Variants in SPOCK1 observed in about 807,000 individuals in gnomAD.
SPOCK1 encodes the protein SPARC (osteonectin), cwcv and kazal like domains proteoglycan 1.
In SPOCK1, 23 loss-of-function variants were observed where a neutral mutation model predicts 55.3. That is an observed-to-expected ratio of 0.42 (90% CI 0.30 to 0.59). The LOEUF is 0.59. Ranked by LOEUF, SPOCK1 falls within the 20% of genes least tolerant of loss-of-function variation. The pLI is 0.22. For missense variants in SPOCK1, 499 were observed against 552.5 expected (o/e 0.90, Z 0.97); for synonymous variants, 226 against 221.0 (o/e 1.02, Z -0.20).
intron 2 of SPOCK1, among the ~76,000 whole-genome samples, chr5:137,319,971 A>C (rs543041707): frequency 0.012 from 1,867 of 151,130 alleles, 43 homozygotes; most frequent in African/African-American, 0.043. Flanking sequence ...AAAAAAAAAA[A>C]AACAACACAT....
At position 137,054,152 on chromosome 5, in the gene SPOCK1, C is replaced by T. The variant is rs995296021; in HGVS notation, c.589+13563G>A. Among the ~76,000 whole-genome samples the T allele has an allele frequency of 2.0e-5, 3 of 152,162 alleles. No individual in the cohort carries two copies. In the East Asian group the frequency reaches 5.8e-4, roughly 30 times the overall value. ...TAGAACCAGCCACTTTCATAATTAT[C>T]TCAATTAATTTGTTTCATTCTAATA... is the stretch of plus-strand genomic sequence containing the variant. On this transcript the variant is annotated intron_variant, in intron 6 of 10. Transcript: ENST00000394945.
chr5:137,435,540 T>C (rs1752845071), intron 2 of SPOCK1, among the ~76,000 whole-genome samples: 1 of 152,248 alleles, frequency 6.6e-6, no homozygotes, highest in African/African-American at 2.4e-5. Flanking sequence ...CATATTAAAC[T>C]CATTTCCTTA....
chr5:137,397,133 C>G (rs1751867815), intron 2 of SPOCK1, among the ~76,000 whole-genome samples: 2 of 152,150 alleles, frequency 1.3e-5, no homozygotes, highest in Admixed American at 1.3e-4. Context: ...TCCATGATCC[C>G]ACCATGATGT....
At chr5:137,354,604 A>G (rs1281142049) in intron 2 of SPOCK1, among the ~76,000 whole-genome samples, 1 of 152,126 alleles carries the variant, frequency 6.6e-6, no homozygotes, top group Non-Finnish European at 1.5e-5. Flanking sequence ...GCTTTCTATC[A>G]ATATTTGCAG....
chr5:137,245,634 C>A (rs1388869354), intron 3 of SPOCK1, among the ~76,000 whole-genome samples: 1 of 152,076 alleles, frequency 6.6e-6, no homozygotes, highest in Non-Finnish European at 1.5e-5. Flanking sequence ...CAAAGGTGCA[C>A]AGAGCATTCT....
chr5:137,253,681 C>G (rs1409565690), intron 3 of SPOCK1, among the ~76,000 whole-genome samples: 3 of 152,200 alleles, frequency 2.0e-5, no homozygotes, highest in Admixed American at 1.3e-4. Flanking sequence ...TGGCAGCCTA[C>G]CCCATCCTCA....
chr5:137,012,116 T>A (rs996324193), intron 6 of SPOCK1, among the ~76,000 whole-genome samples: 1 of 152,202 alleles, frequency 6.6e-6, no homozygotes. Flanking sequence ...CACCCAAATG[T>A]GATCTCATTG....
chr5:137,022,006 C>T (rs538469976), intron 6 of SPOCK1, among the ~76,000 whole-genome samples: 11 of 152,236 alleles, frequency 7.2e-5, no homozygotes, highest in East Asian at 3.9e-4. Context: ...CTTTATAATG[C>T]GACCTTGGCA....
chr5:137,161,337 G>A (rs1465480008), intron 3 of SPOCK1, among the ~76,000 whole-genome samples: 1 of 151,812 alleles, frequency 6.6e-6, no homozygotes, highest in East Asian at 1.9e-4. Context: ...GAACATGTCA[G>A]TTGAAATGCA....
intron 2 of SPOCK1, among the ~76,000 whole-genome samples, chr5:137,357,167 C>G (rs945988409): frequency 6.6e-5 from 10 of 152,082 alleles, no homozygotes; most frequent in Admixed American, 4.6e-4. Flanking sequence ...CAGAATCCAA[C>G]AAGAGGACCA....
In SPOCK1 at chr5:137,028,904, C is replaced by T. The variant is rs78953617; in HGVS notation, c.590-36304G>A. Among the ~76,000 whole-genome samples the T allele has an allele frequency of 4.6e-5, 7 of 152,240 alleles. No individual in the cohort carries two copies. In the East Asian group the frequency reaches 1.2e-3, roughly 25 times the overall value. ...AGCACTGGAAGCACCCTTTGAAGAC[C>T]TCTCCCAAGGGGCTGGGACCTCAGT... On this transcript the variant is annotated intron_variant, in intron 6 of 10. Coordinates refer to ENST00000394945, the MANE Select transcript of SPOCK1 (RefSeq NM_004598.4).
chr5:137,379,762 A>G (rs1296162718), intron 2 of SPOCK1, among the ~76,000 whole-genome samples: 1 of 152,220 alleles, frequency 6.6e-6, no homozygotes, highest in East Asian at 1.9e-4. Flanking sequence ...GTGCCACCAC[A>G]CCAGTCACCA....
intron 4 of SPOCK1, among the ~76,000 whole-genome samples, chr5:137,120,371 G>A (rs760164982): frequency 3.9e-5 from 6 of 152,212 alleles, no homozygotes; most frequent in Admixed American, 6.5e-5. Context: ...AAGGATATGT[G>A]TCTGGTATGC....
chr5:137,269,880 C>T (rs1756927730), intron 2 of SPOCK1, among the ~76,000 whole-genome samples: 1 of 152,092 alleles, frequency 6.6e-6, no homozygotes, highest in South Asian at 2.1e-4. Context: ...GGCATTTCAC[C>T]AGGGCCTAAG....
chr5:137,156,836 A>G (rs544369993), intron 3 of SPOCK1, among the ~76,000 whole-genome samples: 1 of 152,262 alleles, frequency 6.6e-6, no homozygotes, highest in Admixed American at 6.5e-5. Context: ...TTCATACATA[A>G]GTGGATCCAG....
At chr5:137,459,544 C>T (rs560491875) in intron 2 of SPOCK1, among the ~76,000 whole-genome samples, 39 of 151,404 alleles carry the variant, frequency 2.6e-4, no homozygotes, top group African/African-American at 8.3e-4. Flanking sequence ...AAGAGCTGAC[C>T]GGAACACCAA....
At chr5:137,417,349 T>C (rs1481800005) in intron 2 of SPOCK1, among the ~76,000 whole-genome samples, 4 of 139,308 alleles carry the variant, frequency 2.9e-5, no homozygotes, top group Admixed American at 2.2e-4. Context: ...TTTTTTTTTT[T>C]CATTTTTTTA....
chr5:137,205,732 G>A (rs1189344981), intron 3 of SPOCK1, among the ~76,000 whole-genome samples: 3 of 152,196 alleles, frequency 2.0e-5, no homozygotes, highest in African/African-American at 7.2e-5. Context: ...ACAGACTGAA[G>A]AGCATCTCTG....
chr5:137,249,281 C>A (rs1051314479), intron 3 of SPOCK1, among the ~76,000 whole-genome samples: 1 of 152,152 alleles, frequency 6.6e-6, no homozygotes, highest in Non-Finnish European at 1.5e-5. Flanking sequence ...TTTATAGATG[C>A]ATGATAGATT....
Sources: gnomAD v4.1 joint callset for allele counts (sites outside exome capture counted in the v4.1 genomes callset) on GRCh38, gnomAD v4.1.1 for gene constraint, MANE v1.5 for transcripts, NCBI Gene and HGNC (gene_info 2026-07-23, HGNC 2026-07-21) for gene names.